KCNIP1: variants seen among roughly 807,000 people sequenced by gnomAD.
KCNIP1 encodes A-type potassium channel modulatory protein KCNIP1.
In KCNIP1, 18 loss-of-function variants were observed where a neutral mutation model predicts 33.0. The ratio of observed to expected loss-of-function variants is 0.55; its 90% confidence interval spans 0.38 to 0.81. The LOEUF (loss-of-function observed/expected upper bound fraction) is 0.81, where lower values mean the gene tolerates loss of function less well. Among genes scored for constraint, KCNIP1 ranks in the 30% least tolerant of loss-of-function variants. KCNIP1 has a pLI of 0.00. For missense variants in KCNIP1, 238 were observed against 271.6 expected, an observed-to-expected ratio of 0.88 and a Z score of 0.87; for synonymous variants, 93 against 98.3, an observed-to-expected ratio of 0.95 and a Z score of 0.32.
At chr5:170,543,769 C>T (rs903108754) in intron 1 of KCNIP1, among the ~76,000 whole-genome samples, 3 of 152,212 alleles carry the variant, frequency 2.0e-5, no homozygotes, top group African/African-American at 7.2e-5. Context: ...TCTCATTTGC[C>T]TGTAGTTAAA....
At chr5:170,551,890 G>A (rs1161131649) in intron 1 of KCNIP1, among the ~76,000 whole-genome samples, 1 of 151,850 alleles carries the variant, frequency 6.6e-6, no homozygotes, top group Admixed American at 6.6e-5. Flanking sequence ...ATATGAATGT[G>A]TACGAGTGTG....
intron 1 of KCNIP1, among the ~76,000 whole-genome samples, chr5:170,547,062 A>G (rs1306815842): frequency 6.6e-6 from 1 of 152,210 alleles, no homozygotes; most frequent in South Asian, 2.1e-4. Flanking sequence ...CTCTTGACAC[A>G]TGGAAAATAT....
intron 1 of KCNIP1, among the ~76,000 whole-genome samples, chr5:170,614,866 TTA>T (rs1430279578): frequency 6.6e-6 from 1 of 152,200 alleles, no homozygotes; most frequent in Middle Eastern, 3.2e-3. Context: ...TCTCTGTTGT[TTA>T]CACCCCCTCT....
intron 1 of KCNIP1, among the ~76,000 whole-genome samples, chr5:170,589,723 A>G (rs373038667): frequency 0.023 from 3,015 of 132,476 alleles, 142 homozygotes; most frequent in African/African-American, 0.078. Context: ...GTGTGGTGTG[A>G]TGTGGTGTGG....
intron 1 of KCNIP1, among the ~76,000 whole-genome samples, chr5:170,357,034 G>A (rs186937559): frequency 3.9e-5 from 6 of 152,240 alleles, no homozygotes; most frequent in African/African-American, 1.4e-4. Context: ...AAGGCTGGGT[G>A]GGCAGGCTTC....
At chr5:170,643,767 C>T (rs1305210876) in intron 1 of KCNIP1, among the ~76,000 whole-genome samples, 1 of 152,216 alleles carries the variant, frequency 6.6e-6, no homozygotes, top group Non-Finnish European at 1.5e-5. Flanking sequence ...GGCAGGGGAT[C>T]TGCAGGCAGC....
chr5:170,556,566 G>A (rs1330048077), intron 1 of KCNIP1, among the ~76,000 whole-genome samples: 2 of 152,200 alleles, frequency 1.3e-5, no homozygotes, highest in Non-Finnish European at 2.9e-5. Flanking sequence ...CAGGGAAGAG[G>A]GGCAGAGGAA....
At position 170,390,517 on chromosome 5, in the gene KCNIP1, A is replaced by AAAAAAAAAAAAAATATATATATAT; in HGVS notation, c.88+36554_88+36555insAAAAAAAAAAAATATATATATATA. ...GACCCCGTCTCAAAAAAAAAAAACAAATATATATATATATATATATATTTT... is the reference window on the plus strand; with the variant it reads ...GACCCCGTCTCAAAAAAAAAAAACAAAAAAAAAAAAAAATATATATATATATATATATATATATATATATATTTT... On this transcript the variant is annotated intron_variant, in intron 1 of 7. Coordinates refer to the KCNIP1 transcript ENST00000377360. Among the ~76,000 whole-genome samples the AAAAAAAAAAAAAATATATATATAT allele has an allele frequency of 9.5e-4, 71 of 74,474 alleles. 5 individuals carry two copies. Among genetic ancestry groups the AAAAAAAAAAAAAATATATATATAT allele is most frequent in the South Asian group, 2.6e-3 (6 of 2,266 alleles). 48.9% of individuals were successfully genotyped at this position (74,474 alleles called of 152,430 possible). A position where few individuals can be genotyped will look rare whatever the true frequency, so the allele number is the denominator to read the frequency against.
At chr5:170,505,553 A>G (rs13180654) in intron 1 of KCNIP1, among the ~76,000 whole-genome samples, 61,191 of 152,120 alleles carry the variant, frequency 0.4, 12,847 homozygotes, top group East Asian at 0.66. Flanking sequence ...AAATTCTACC[A>G]TCAGAGCCCC....
intron 1 of KCNIP1, among the ~76,000 whole-genome samples, chr5:170,592,522 A>G (rs1342645324): frequency 7.2e-6 from 1 of 138,004 alleles, no homozygotes; most frequent in Admixed American, 6.8e-5. Context: ...CCATAACATC[A>G]TGTTGATTTA....
At chr5:170,692,208 G>A (rs1460578351) in intron 1 of KCNIP1, among the ~76,000 whole-genome samples, 2 of 152,136 alleles carry the variant, frequency 1.3e-5, no homozygotes, top group Non-Finnish European at 2.9e-5. Flanking sequence ...TCAAGCAGCA[G>A]CAGGCATGGC....
At chr5:170,417,294 G>A (rs1171646210) in intron 1 of KCNIP1, among the ~76,000 whole-genome samples, 4 of 152,074 alleles carry the variant, frequency 2.6e-5, no homozygotes, top group Admixed American at 6.6e-5. Context: ...TTATTTTCAC[G>A]TGTCTATAGT....
chr5:170,720,259 C>A, intron 2 of KCNIP1, 62 bp from the exon 3 acceptor site: 1 of 1,205,934 alleles, frequency 8.3e-7, no homozygotes, highest in Non-Finnish European at 1.2e-6. Flanking sequence ...CAAGGCTGGG[C>A]CCAGTCTTCT....
At chr5:170,378,811 G>A (rs1351513804) in intron 1 of KCNIP1, 1 of 1,614,238 alleles carries the variant, frequency 6.2e-7, no homozygotes, top group Non-Finnish European at 8.5e-7. Flanking sequence ...GAGAAGAGGA[G>A]GGCCTGGGGC....
intron 1 of KCNIP1, among the ~76,000 whole-genome samples, chr5:170,640,568 C>A: frequency 6.6e-6 from 1 of 152,132 alleles, no homozygotes; most frequent in South Asian, 2.1e-4. Context: ...TTTGTTTAAC[C>A]GGTACTTCAG....
rs140150557 is a variant in KCNIP1, at chr5:170,379,079, G to A, written c.88+25115G>A. On this transcript the variant is annotated intron_variant, in intron 1 of 7. Coordinates refer to the KCNIP1 transcript ENST00000377360. The stretch of plus-strand genomic sequence containing the variant: ...TACCAGCTTTGTAGTCGGGCCCCTG[G>A]ATTGGAGTCGGGGCTTTGGTCTAAA... 5.3e-4 allele frequency: 713 copies of A among 1,354,432 alleles called. 4 individuals carry two copies. The African/African-American group carries it at 8.9e-3, about 17-fold the overall frequency. The allele number at this position is 1,354,432 out of a possible 1,614,324, so 83.9% of individuals were successfully genotyped here.
At chr5:170,693,586 C>T (rs1244127100) in intron 1 of KCNIP1, among the ~76,000 whole-genome samples, 3 of 152,142 alleles carry the variant, frequency 2.0e-5, no homozygotes, top group African/African-American at 7.2e-5. Flanking sequence ...CCAGCTCTTC[C>T]CACGTCTCTG....
At chr5:170,482,144 T>G (rs967722309) in intron 1 of KCNIP1, among the ~76,000 whole-genome samples, 1 of 152,290 alleles carries the variant, frequency 6.6e-6, no homozygotes, top group East Asian at 1.9e-4. Context: ...CAATTGAGAA[T>G]GTGGGTGATA....
chr5:170,677,540 ATTGT>A (rs1762191768), intron 1 of KCNIP1, among the ~76,000 whole-genome samples: 1 of 152,154 alleles, frequency 6.6e-6, no homozygotes, highest in African/African-American at 2.4e-5. Context: ...CAGAGCTAAA[ATTGT>A]TTGGCAAAAA....
Sources: allele counts gnomAD v4.1 joint callset (sites outside exome capture counted in the v4.1 genomes callset), GRCh38; gene constraint gnomAD v4.1.1; transcripts MANE v1.5; gene names NCBI Gene and HGNC (gene_info 2026-07-23, HGNC 2026-07-21).